LCORL: variants seen among roughly 807,000 people sequenced by gnomAD.
LCORL encodes ligand-dependent nuclear receptor corepressor-like protein.
A neutral mutation model predicts 141.8 loss-of-function variants in LCORL; 41 were observed. The ratio of observed to expected loss-of-function variants is 0.29; its 90% CI spans 0.23 to 0.38. The LOEUF is 0.38. Among genes scored for constraint, LCORL ranks in the 10% least tolerant of loss-of-function variants. The pLI, the probability that LCORL is intolerant of heterozygous loss-of-function variation, is 1.00. For synonymous variants in LCORL, 618 were observed against 694.1 expected, an observed-to-expected ratio of 0.89 and a Z score of 1.72; for missense variants, 1,759 against 2,035.0, an observed-to-expected ratio of 0.86 and a Z score of 2.61.
chr4:17,866,826 A>T (rs1285345216), intron 7 of LCORL: 4 of 195,408 alleles, frequency 2.0e-5, no homozygotes, highest in African/African-American at 4.7e-5. Context: ...TAGTTAGGAG[A>T]GCTGAACTAA....
intron 1 of LCORL, among the ~76,000 whole-genome samples, chr4:18,006,744 T>C (rs1722880628): frequency 2.6e-5 from 4 of 152,132 alleles, no homozygotes; most frequent in Admixed American, 2.6e-4. Flanking sequence ...CCATTCCCTA[T>C]AATTCAATTA....
At position 18,020,096 on chromosome 4, in the gene LCORL, TA is replaced by T. The variant is rs545095472; in HGVS notation, c.154+1501del. Among the ~76,000 whole-genome samples the T allele has an allele frequency of 4.4e-3, 672 of 152,324 alleles. 1 individual carries two copies. Among genetic ancestry groups the T allele is most frequent in the Non-Finnish European group, 7.0e-3 (473 of 68,024 alleles). Reference sequence around the variant, plus strand: ...AGCAGTAAATTACTTAAACATCACTTAAATGCCCCCTAAAGTAACCTTCCTT... The same window carrying T: ...AGCAGTAAATTACTTAAACATCACTTAATGCCCCCTAAAGTAACCTTCCTT... On this transcript the variant is annotated intron_variant, in intron 1 of 7. Transcript: ENST00000635767.
In LCORL at chr4:17,877,444, T is replaced by G. The variant is rs138841181; in HGVS notation, c.1546A>C (p.Thr516Pro). ...GTTTCACCTTTTTCATGATTTGTAG[T>G]AGAATTATTGCTGTCATTTGAGAGT... The change falls in exon 7 of 8, where the codon ACT becomes CCT. Residue 516 changes from threonine to proline, a missense_variant. Physicochemically the swap from Thr to Pro is conservative, Grantham distance 38. This residue lies in a region of LCORL where 1,311 missense variants were observed against 1,531.3 expected (regional missense o/e 0.86). Coordinates refer to ENST00000635767, the Ensembl canonical transcript of LCORL. 3.1e-3 allele frequency: 3,779 copies of G among 1,228,906 alleles called. 11 individuals carry two copies. Among genetic ancestry groups the G allele is most frequent in the Admixed American group, 0.015 (364 of 23,598 alleles). The allele number at this position is 1,228,906 out of a possible 1,614,324, so 76.1% of individuals were successfully genotyped here. A position where few individuals can be genotyped will look rare whatever the true frequency, so the allele number is the denominator to read the frequency against.
At chr4:17,900,749 A>G (rs1434430339) in intron 5 of LCORL, among the ~76,000 whole-genome samples, 1 of 152,172 alleles carries the variant, frequency 6.6e-6, no homozygotes. Context: ...CACAGAAACA[A>G]AGAGATGGAA....
intron 5 of LCORL, 136 bp downstream of exon 5, chr4:17,908,958 A>G: frequency 2.6e-6 from 2 of 773,502 alleles, no homozygotes. Context: ...ACTTCTCTCC[A>G]GCACATATTA....
At chr4:17,952,403 C>G (rs1394124422) in intron 4 of LCORL, among the ~76,000 whole-genome samples, 1 of 150,924 alleles carries the variant, frequency 6.6e-6, no homozygotes, top group African/African-American at 2.5e-5. Flanking sequence ...TTTTCTTTCC[C>G]CTCAAAAACA....
intron 1 of LCORL, among the ~76,000 whole-genome samples, chr4:17,999,034 T>C (rs953109778): frequency 1.5e-5 from 2 of 137,022 alleles, no homozygotes; most frequent in Non-Finnish European, 3.1e-5. Context: ...ATATATAGTA[T>C]AGTAAATACA....
At chr4:17,873,709 G>A in exon 7 of LCORL, 1 of 1,233,564 alleles carries the variant, frequency 8.1e-7, no homozygotes. Context: ...TGAGTCTGAT[G>A]AGTATTTCCA....
rs1382701708 is a variant in LCORL, at chr4:17,911,545, G to C, written c.431-2200C>G. The C allele has an allele frequency of 2.8e-5, 7 of 248,594 alleles. No individual in the cohort carries two copies. In the South Asian group the frequency reaches 2.9e-4, roughly 10 times the overall value. 15.4% of individuals were successfully genotyped at this position (248,594 alleles called of 1,614,324 possible). A position where few individuals can be genotyped will look rare whatever the true frequency, so the allele number is the denominator to read the frequency against. On this transcript the variant is annotated intron_variant, in intron 4 of 7. Coordinates refer to ENST00000635767, the Ensembl canonical transcript of LCORL. Reference sequence around the variant, plus strand: ...ACGGTAAAGCTTGGGTGGAAGAATGGTAAAATCACTGGTAATTTTGAAAAA... The same window carrying C: ...ACGGTAAAGCTTGGGTGGAAGAATGCTAAAATCACTGGTAATTTTGAAAAA...
At chr4:17,977,773 GATT>G (rs1424536725) in intron 1 of LCORL, among the ~76,000 whole-genome samples, 2 of 152,090 alleles carry the variant, frequency 1.3e-5, no homozygotes, top group Non-Finnish European at 2.9e-5. Flanking sequence ...TAATTTTGAT[GATT>G]AATTTACCCA....
At chr4:17,905,255 A>G (rs1168733792) in intron 5 of LCORL, among the ~76,000 whole-genome samples, 1 of 152,056 alleles carries the variant, frequency 6.6e-6, no homozygotes, top group African/African-American at 2.4e-5. Flanking sequence ...GTGCCCATCT[A>G]TTATTCTTTG....
At chr4:17,899,105 T>A (rs555703022) in intron 5 of LCORL, among the ~76,000 whole-genome samples, 1 of 152,334 alleles carries the variant, frequency 6.6e-6, no homozygotes, top group East Asian at 1.9e-4. Context: ...ATAATTATGC[T>A]CATTTTTCTA....
chr4:17,848,731 G>C (rs1255392954), intron 7 of LCORL, among the ~76,000 whole-genome samples: 1 of 152,256 alleles, frequency 6.6e-6, no homozygotes, highest in Non-Finnish European at 1.5e-5. Context: ...GCGAGGCATT[G>C]CCTCACTCGG....
intron 4 of LCORL, among the ~76,000 whole-genome samples, chr4:17,943,681 C>A (rs893280587): frequency 1.3e-5 from 2 of 152,124 alleles, no homozygotes; most frequent in Non-Finnish European, 2.9e-5. Context: ...CCTGAAATTT[C>A]TTTTTATTCT....
chr4:17,863,617 C>T lies in LCORL; in HGVS notation c.5602+9771G>A, dbSNP rs143397431. On this transcript the variant is annotated intron_variant, in intron 7 of 7. Coordinates refer to ENST00000635767, the Ensembl canonical transcript of LCORL. The stretch of plus-strand genomic sequence containing the variant: ...ATCAAAGAGCTAAAAATAGAACTAC[C>T]ATTTGATCCAGCAATCCCATTACTG... 2.4e-3 allele frequency among the ~76,000 whole-genome samples: 365 copies of T among 152,278 alleles called. 1 individual carries two copies. The highest frequency in any genetic ancestry group is 7.8e-3 in the African/African-American group (326 of 41,556).
chr4:17,991,280 T>A (rs571554265), intron 1 of LCORL, among the ~76,000 whole-genome samples: 1 of 152,232 alleles, frequency 6.6e-6, no homozygotes, highest in Non-Finnish European at 1.5e-5. Flanking sequence ...CTACTCCTTG[T>A]TCTTCTCCAT....
exon 7 of LCORL, chr4:17,876,630 G>C: frequency 3.3e-6 from 4 of 1,230,476 alleles, no homozygotes; most frequent in Non-Finnish European, 4.1e-6. Flanking sequence ...ATAATTATTT[G>C]TTACATATAC....
intron 7 of LCORL, among the ~76,000 whole-genome samples, chr4:17,865,877 T>C (rs772168065): frequency 5.3e-5 from 8 of 152,174 alleles, no homozygotes; most frequent in Non-Finnish European, 8.8e-5. Context: ...TTAGGTGTCT[T>C]GCCCTACACC....
chr4:17,858,465 C>T (rs1209504481), intron 7 of LCORL, among the ~76,000 whole-genome samples: 1 of 151,966 alleles, frequency 6.6e-6, no homozygotes, highest in Admixed American at 6.6e-5. Flanking sequence ...TGGCTTATGC[C>T]TGTAATCCCA....
Sources: allele counts gnomAD v4.1 joint callset (sites outside exome capture counted in the v4.1 genomes callset), GRCh38; gene constraint gnomAD v4.1.1; regional missense constraint gnomAD v4.1.1; transcripts MANE v1.5; gene names NCBI Gene and HGNC (gene_info 2026-07-23, HGNC 2026-07-21).